SHANK2: variants seen among roughly 807,000 people sequenced by gnomAD.
The protein encoded by SHANK2 is SH3 and multiple ankyrin repeat domains 2.
Under a neutral mutation model 133.7 loss-of-function variants are expected in SHANK2, and 43 were observed. That is an observed-to-expected ratio of 0.32 (90% CI 0.25 to 0.41). The LOEUF is 0.41. SHANK2 is among the 10% of genes least tolerant of loss of function. The pLI, the probability that SHANK2 is intolerant of heterozygous loss-of-function variation, is 1.00. For missense variants in SHANK2, 1,994 were observed against 2,235.8 expected (o/e 0.89, Z 2.18); for synonymous variants, 1,017 against 952.8 (o/e 1.07, Z -1.24).
intron 17 of SHANK2, among the ~76,000 whole-genome samples, chr11:70,550,959 G>A (rs975715401): frequency 7.9e-5 from 12 of 152,194 alleles, no homozygotes; most frequent in Admixed American, 2.0e-4. Flanking sequence ...AAACAGCCAC[G>A]CTGCAGTGGT....
chr11:70,629,843 A>G (rs1265419286), intron 17 of SHANK2, among the ~76,000 whole-genome samples: 3 of 152,184 alleles, frequency 2.0e-5, no homozygotes, highest in African/African-American at 7.2e-5. Context: ...GACCCCCAGC[A>G]GATCCGGCCC....
rs532871058 is a variant in SHANK2 at position 71,185,541 on chromosome 11, C to A, written c.-12-38203G>T. 3.3e-5 allele frequency among the ~76,000 whole-genome samples: 5 copies of A among 152,296 alleles called. No individual in the cohort carries two copies. In the South Asian group the frequency reaches 1.0e-3, roughly 32 times the overall value. The stretch of plus-strand genomic sequence containing the variant: ...GAAGCTTCTTTCTTCCCTCTAGCAG[C>A]GAGCCCAGGCTGGTCTGGTTGGTGC... On this transcript the variant is annotated intron_variant, in intron 2 of 25. Coordinates refer to ENST00000601538, the MANE Select transcript of SHANK2 (RefSeq NM_012309.5).
chr11:71,102,501 C>G (rs781895081), intron 6 of SHANK2, among the ~76,000 whole-genome samples: 3 of 152,194 alleles, frequency 2.0e-5, no homozygotes, highest in African/African-American at 7.2e-5. Flanking sequence ...GCGGCATTTC[C>G]TGAGCTTAGC....
In SHANK2 at chr11:70,525,089, C is replaced by A. The variant is rs145594403; in HGVS notation, c.2062-22158G>T. Among the ~76,000 whole-genome samples, 5 of 152,366 alleles carry A rather than the reference C, an allele frequency of 3.3e-5. No individual in the cohort carries two copies. In the South Asian group the frequency reaches 6.2e-4, roughly 19 times the overall value. ...CTTGCTGCCAATCGGCTTGACAGCC[C>A]GGCAGCTGCAGCGACACTTACAGTA... On this transcript the variant is annotated intron_variant, in intron 17 of 25. Transcript: ENST00000601538.
At chr11:70,815,328 T>C (rs895542749) in intron 12 of SHANK2, among the ~76,000 whole-genome samples, 15 of 149,802 alleles carry the variant, frequency 1.0e-4, no homozygotes, top group African/African-American at 3.5e-4. Flanking sequence ...TGGGGGAGGA[T>C]GGGGGCAGGG....
At chr11:71,229,765 G>GAAAAAAAAAAAAAAAAAA (rs55730780) in intron 1 of SHANK2, among the ~76,000 whole-genome samples, 1 of 116,534 alleles carries the variant, frequency 8.6e-6, no homozygotes, top group Non-Finnish European at 1.9e-5. Flanking sequence ...TCTCAAAAAA[G>GAAAAAAAAAAAAAAAAAA]AAAAAAAAAA....
In SHANK2 at chr11:70,485,783, G is replaced by C; in HGVS notation, c.4510C>G (p.Leu1504Val). 6.2e-7 allele frequency: 1 copy of C among 1,614,018 alleles called. No homozygotes were observed. The highest frequency in any genetic ancestry group is 8.5e-7 in the Non-Finnish European group (1 of 1,180,028). The change falls in exon 25 of 26, where the codon CTC becomes GTC. Residue 1504 changes from leucine to valine, a missense_variant. This residue lies in a region of SHANK2 where 797 missense variants were observed against 907.4 expected (regional missense o/e 0.88). Transcript: ENST00000601538. The surrounding 1 kb of genome is among the most constrained non-coding windows in gnomAD (Gnocchi z 5.8). Reference protein sequence around the residue: ...VDSRSSSDHHLETTSTISTVS... With the variant: ...VDSRSSSDHHVETTSTISTVS... ...GTGGAGATAGTGCTGGTCGTCTCGAGGTGGTGGTCGCTGCTACTCCGGCTG... is the reference window on the plus strand; with the variant it reads ...GTGGAGATAGTGCTGGTCGTCTCGACGTGGTGGTCGCTGCTACTCCGGCTG...
chr11:70,684,344 G>A lies in SHANK2; in HGVS notation c.1853+14344C>T, dbSNP rs578009381. On this transcript the variant is annotated intron_variant, in intron 15 of 25. Coordinates refer to ENST00000601538, the MANE Select transcript of SHANK2 (RefSeq NM_012309.5). The stretch of plus-strand genomic sequence containing the variant: ...GGCAGAGGTGGGAGGATTGCTTGAG[G>A]CCAGGAGTTCAAGACCAGCTTGGGC... Among the ~76,000 whole-genome samples, 7 of 151,958 alleles carry A rather than the reference G, an allele frequency of 4.6e-5. No individual in the cohort carries two copies. In the South Asian group the frequency reaches 1.5e-3, roughly 32 times the overall value.
chr11:70,476,150 C>A (rs1232140540), intron 25 of SHANK2, among the ~76,000 whole-genome samples: 2 of 152,134 alleles, frequency 1.3e-5, no homozygotes, highest in Non-Finnish European at 2.9e-5. Context: ...ATTGCTTGAA[C>A]CCAGGAGGCG....
intron 17 of SHANK2, among the ~76,000 whole-genome samples, chr11:70,635,710 T>A (rs1181097971): frequency 6.6e-6 from 1 of 151,946 alleles, no homozygotes; most frequent in African/African-American, 2.4e-5. Flanking sequence ...AATTTTACGG[T>A]ATGTGCACTG....
intron 17 of SHANK2, among the ~76,000 whole-genome samples, chr11:70,611,864 AT>A (rs1191868767): frequency 6.9e-6 from 1 of 145,780 alleles, no homozygotes; most frequent in Non-Finnish European, 1.5e-5. Context: ...AAAAAAGGCA[AT>A]TTTCAGTTCT....
chr11:70,912,850 C>T (rs1950216616), intron 10 of SHANK2, among the ~76,000 whole-genome samples: 1 of 152,108 alleles, frequency 6.6e-6, no homozygotes, highest in Non-Finnish European at 1.5e-5. Flanking sequence ...TCAGCTTCTA[C>T]AGAAATCCAA....
chr11:70,802,956 G>A (rs1196455742), intron 13 of SHANK2, among the ~76,000 whole-genome samples: 18 of 152,272 alleles, frequency 1.2e-4, no homozygotes, highest in East Asian at 3.9e-4. Context: ...AAATGACCAC[G>A]CTCACTGTGC....
chr11:70,597,119 G>A (rs565180216), intron 17 of SHANK2, among the ~76,000 whole-genome samples: 2 of 152,206 alleles, frequency 1.3e-5, no homozygotes, highest in South Asian at 2.1e-4. Context: ...AGACTCAGGG[G>A]CGCAGCAGCA....
chr11:70,617,240 T>C (rs564365946), intron 17 of SHANK2, among the ~76,000 whole-genome samples: 1 of 151,978 alleles, frequency 6.6e-6, no homozygotes, highest in African/African-American at 2.4e-5. Flanking sequence ...TGTGCATGTG[T>C]GTCACTGAGA....
chr11:71,067,252 C>G (rs1951076601), intron 9 of SHANK2, among the ~76,000 whole-genome samples: 1 of 152,232 alleles, frequency 6.6e-6, no homozygotes, highest in Admixed American at 6.5e-5. Context: ...CAGATGCAAA[C>G]AGGAAACACC....
intron 17 of SHANK2, among the ~76,000 whole-genome samples, chr11:70,533,741 T>G (rs2059509153): frequency 6.6e-6 from 1 of 152,094 alleles, no homozygotes; most frequent in South Asian, 2.1e-4. Flanking sequence ...CACCTCTAGT[T>G]CATCCCCCTA....
chr11:71,111,266 T>A (rs140627813), intron 5 of SHANK2, among the ~76,000 whole-genome samples: 4 of 152,278 alleles, frequency 2.6e-5, no homozygotes, highest in African/African-American at 9.6e-5. Flanking sequence ...CCTGCCTCCA[T>A]CCCCAGGGAG....
Position 70,663,911 on chromosome 11 carries a change from C to G in SHANK2, c.1854-2233G>C, listed in dbSNP as rs562915161. On this transcript the variant is annotated intron_variant, in intron 15 of 25. Coordinates refer to ENST00000601538, the MANE Select transcript of SHANK2 (RefSeq NM_012309.5). Reference sequence around the variant, plus strand: ...TGGGGCTCTCTAAACCTCAGTTTCCCTGCACAGCAAGAGTGGGTAAGAACA... The same window carrying G: ...TGGGGCTCTCTAAACCTCAGTTTCCGTGCACAGCAAGAGTGGGTAAGAACA... Among the ~76,000 whole-genome samples, 229 of 152,314 alleles carry G rather than the reference C, an allele frequency of 1.5e-3. 1 individual carries two copies. The highest frequency in any genetic ancestry group is 5.4e-3 in the African/African-American group (224 of 41,562).
Sources: gnomAD v4.1 joint callset for allele counts (sites outside exome capture counted in the v4.1 genomes callset) on GRCh38, gnomAD v4.1.1 for gene constraint, gnomAD v4.1.1 regional missense constraint, Gnocchi (gnomAD v3.1) non-coding constraint, MANE v1.5 for transcripts, NCBI Gene and HGNC (gene_info 2026-07-23, HGNC 2026-07-21) for gene names.